MARCHF8: variants seen among roughly 807,000 people sequenced by gnomAD.
The protein encoded by MARCHF8 is membrane associated ring-CH-type finger 8.
MARCHF8 carries 40 observed loss-of-function variants against 51.6 expected under a neutral mutation model. The ratio of observed to expected loss-of-function variants is 0.77; its 90% CI spans 0.60 to 1.01. The LOEUF (loss-of-function observed/expected upper bound fraction) is 1.01. Among genes scored for constraint, MARCHF8 ranks in the 50% least tolerant of loss-of-function variants. The pLI is 0.00. For missense variants in MARCHF8, 685 were observed against 708.6 expected, an observed-to-expected ratio of 0.97 and a Z score of 0.38; for synonymous variants, 263 against 280.3, an observed-to-expected ratio of 0.94 and a Z score of 0.62.
chr10:45,538,093 A>G (rs2043999155), upstream of MARCHF8, among the ~76,000 whole-genome samples: 1 of 152,222 alleles, frequency 6.6e-6, no homozygotes, highest in South Asian at 2.1e-4. Context: ...CACAAAGGGA[A>G]GCCCATCAGA....
Position 45,582,642 on chromosome 10 carries a change from A to G in MARCHF8, c.-79+11593T>C, listed in dbSNP as rs1354461391. Among the ~76,000 whole-genome samples, 5 of 152,300 alleles carry G rather than the reference A, an allele frequency of 3.3e-5. No individual in the cohort carries two copies. In the East Asian group the frequency reaches 9.6e-4, roughly 29 times the overall value. On this transcript the variant is annotated intron_variant, in intron 1 of 6. Transcript: ENST00000319836. ...GGTCAAGCTATTCAGAAAAGTCAGG[A>G]GCAGAATTCAAGTTTCCTAACTCTT...
intron 2 of MARCHF8, among the ~76,000 whole-genome samples, chr10:45,490,157 G>C (rs558318595): frequency 6.6e-6 from 1 of 152,202 alleles, no homozygotes; most frequent in Admixed American, 6.5e-5. Flanking sequence ...TTTGCCTTTA[G>C]GTTGACCTCC....
At chr10:45,519,619 G>T (rs2043674492) in intron 2 of MARCHF8, among the ~76,000 whole-genome samples, 1 of 152,206 alleles carries the variant, frequency 6.6e-6, no homozygotes, top group African/African-American at 2.4e-5. Context: ...CTGAAATTTT[G>T]ATTTCATATC....
intron 5 of MARCHF8, 124 bp downstream of exon 5, chr10:45,463,027 C>T (rs1306661905): frequency 1.3e-5 from 17 of 1,270,358 alleles, no homozygotes; most frequent in African/African-American, 1.5e-5. Context: ...TGGAGAAAAC[C>T]ATCAACCCAC....
chr10:45,579,522 A>C (rs938157497), intron 1 of MARCHF8, among the ~76,000 whole-genome samples: 2 of 152,178 alleles, frequency 1.3e-5, no homozygotes, highest in African/African-American at 4.8e-5. Flanking sequence ...AAGCTAATGA[A>C]GTTTTAAAGG....
intron 3 of MARCHF8, among the ~76,000 whole-genome samples, chr10:45,466,407 A>C (rs1161879782): frequency 6.6e-6 from 1 of 152,146 alleles, no homozygotes; most frequent in African/African-American, 2.4e-5. Context: ...TATTGCAGAG[A>C]AGTAAGCGTC....
chr10:45,488,842 T>C (rs935376620), intron 3 of MARCHF8, among the ~76,000 whole-genome samples: 2 of 152,094 alleles, frequency 1.3e-5, no homozygotes, highest in Non-Finnish European at 2.9e-5. Context: ...AAATATACTC[T>C]TTTGTCTCTT....
At chr10:45,509,268 T>C (rs1470228104) in intron 2 of MARCHF8, among the ~76,000 whole-genome samples, 1 of 152,266 alleles carries the variant, frequency 6.6e-6, no homozygotes, top group Non-Finnish European at 1.5e-5. Flanking sequence ...TAATGAGGGA[T>C]GACTGTAGTT....
intron 1 of MARCHF8, among the ~76,000 whole-genome samples, chr10:45,591,109 A>G (rs1294219781): frequency 6.6e-6 from 1 of 152,168 alleles, no homozygotes; most frequent in East Asian, 1.9e-4. Context: ...CCACCACCTT[A>G]TAGGTGTTGA....
At chr10:45,495,619 G>C (rs2043160225) in intron 2 of MARCHF8, among the ~76,000 whole-genome samples, 1 of 152,020 alleles carries the variant, frequency 6.6e-6, no homozygotes, top group Non-Finnish European at 1.5e-5. Context: ...CCAGGAAGGA[G>C]ATCAAGAGTA....
intron 2 of MARCHF8, among the ~76,000 whole-genome samples, chr10:45,532,273 C>T (rs538695151): frequency 6.6e-6 from 1 of 152,176 alleles, no homozygotes; most frequent in Non-Finnish European, 1.5e-5. Flanking sequence ...TACAGTAAAC[C>T]TGCAGTGAGG....
At chr10:45,538,852 CCA>C (rs2044011638), upstream of MARCHF8, among the ~76,000 whole-genome samples, 1 of 152,112 alleles carries the variant, frequency 6.6e-6, no homozygotes, top group Non-Finnish European at 1.5e-5. Context: ...ACTTAGACAC[CCA>C]CACAGTAATA....
At chr10:45,503,262 G>A (rs921766944) in intron 2 of MARCHF8, among the ~76,000 whole-genome samples, 2 of 152,146 alleles carry the variant, frequency 1.3e-5, no homozygotes, top group Non-Finnish European at 2.9e-5. Context: ...TTATGGCCGG[G>A]CACGGTGGCT....
chr10:45,458,189 T>C lies in MARCHF8; in HGVS notation c.*50A>G, dbSNP rs1256297113. On this transcript the variant is annotated 3_prime_UTR_variant, in exon 8 of 8. Coordinates refer to ENST00000453424, the MANE Select transcript of MARCHF8 (RefSeq NM_001282866.2). ...AAGGTATACAATTGGCAGTAAACAATTTCCTTCAGCTCTTCATGGATGTCC... is the reference window on the plus strand; with the variant it reads ...AAGGTATACAATTGGCAGTAAACAACTTCCTTCAGCTCTTCATGGATGTCC... 6.5e-7 allele frequency: 1 copy of C among 1,545,992 alleles called. No homozygotes were observed. The highest frequency in any genetic ancestry group is 8.7e-7 in the Non-Finnish European group (1 of 1,147,618).
intron 3 of MARCHF8, among the ~76,000 whole-genome samples, chr10:45,486,610 T>C (rs2042983897): frequency 6.6e-6 from 1 of 152,094 alleles, no homozygotes; most frequent in Non-Finnish European, 1.5e-5. Flanking sequence ...GGTTCTCCAT[T>C]GTTCAGCAAT....
chr10:45,574,664 G>A (rs2044469745), intron 1 of MARCHF8, among the ~76,000 whole-genome samples: 1 of 152,132 alleles, frequency 6.6e-6, no homozygotes, highest in Admixed American at 6.5e-5. Flanking sequence ...CAAACAATTT[G>A]ACCTTACTGT....
In MARCHF8 at chr10:45,560,153, G is replaced by A. The variant is rs1247412118; in HGVS notation, c.-78-26864C>T. 2.0e-5 allele frequency among the ~76,000 whole-genome samples: 3 copies of A among 152,098 alleles called. No individual in the cohort carries two copies. In the South Asian group the frequency reaches 6.2e-4, roughly 32 times the overall value. On this transcript the variant is annotated intron_variant, in intron 1 of 6. Coordinates refer to the MARCHF8 transcript ENST00000319836. ...AGCAAAGATGAGGTGAGAGGGAGCT[G>A]AGAACCAGAAAAACGAGATATGAAA...
intron 1 of MARCHF8, among the ~76,000 whole-genome samples, chr10:45,555,721 G>C (rs1239756870): frequency 4.1e-5 from 6 of 147,878 alleles, no homozygotes; most frequent in African/African-American, 1.0e-4. Flanking sequence ...TCCAGCCTGA[G>C]CGACATTGTA....
intron 2 of MARCHF8, among the ~76,000 whole-genome samples, chr10:45,499,990 G>C (rs1466238749): frequency 6.6e-6 from 1 of 152,170 alleles, no homozygotes; most frequent in African/African-American, 2.4e-5. Context: ...GAGATTTTGA[G>C]AAGGATTATA....
Sources: gnomAD v4.1 joint callset for allele counts (sites outside exome capture counted in the v4.1 genomes callset) on GRCh38, gnomAD v4.1.1 for gene constraint, MANE v1.5 for transcripts, NCBI Gene and HGNC (gene_info 2026-07-23, HGNC 2026-07-21) for gene names.